The following ZNF780B variants were observed in gnomAD, a reference collection of about 807,000 sequenced individuals.
ZNF780B encodes zinc finger protein 780B.
Under a neutral mutation model 74.1 loss-of-function variants are expected in ZNF780B, and 52 were observed. That is an observed-to-expected ratio of 0.70 (90% CI 0.56 to 0.88). The LOEUF is 0.88. Ranked by LOEUF, ZNF780B falls within the 40% of genes least tolerant of loss-of-function variation. The pLI is 0.00. For synonymous variants in ZNF780B, 315 were observed against 324.3 expected (o/e 0.97, Z 0.31); for missense variants, 953 against 1,007.6 (o/e 0.95, Z 0.73).
rs1971942268 is a variant in ZNF780B, at chr19:40,028,797, A to C, written c.*5560T>G. On this transcript the variant is annotated 3_prime_UTR_variant, in exon 5 of 5. Coordinates refer to ENST00000434248, the MANE Select transcript of ZNF780B (RefSeq NM_001005851.3). ...AGACTTATACAGAACTTGGAAGAAT[A>C]GTAAATAATTCTGGTTACCCTTCAC... 6.6e-6 allele frequency: 1 copy of C among 152,248 alleles called. No individual in the cohort carries two copies. Among genetic ancestry groups the C allele is most frequent in the African/African-American group, 2.4e-5 (1 of 41,466 alleles). 9.4% of individuals were successfully genotyped at this position (152,248 alleles called of 1,614,324 possible).
chr19:40,039,276 T>G (rs1211380654), intron 4 of ZNF780B, among the ~76,000 whole-genome samples: 1 of 152,268 alleles, frequency 6.6e-6, no homozygotes, highest in Non-Finnish European at 1.5e-5. Context: ...TCTATATCTC[T>G]GTTTTGGTAA....
chr19:40,049,070 A>C, intron 2 of ZNF780B: 1 of 383,718 alleles, frequency 2.6e-6, no homozygotes, highest in Non-Finnish European at 4.8e-6. Flanking sequence ...GAAAAAAAAA[A>C]AAAAGAAAGA....
chr19:40,044,126 T>C (rs968689879), intron 4 of ZNF780B, among the ~76,000 whole-genome samples: 4 of 152,142 alleles, frequency 2.6e-5, no homozygotes, highest in African/African-American at 9.7e-5. Context: ...AAAGCCACCG[T>C]AACATATGGG....
intron 3 of ZNF780B, among the ~76,000 whole-genome samples, chr19:40,047,780 T>C (rs1259342854): frequency 6.6e-6 from 1 of 152,186 alleles, no homozygotes; most frequent in African/African-American, 2.4e-5. Flanking sequence ...ATTAAGTAAG[T>C]CACTTGAACT....
At position 40,029,144 on chromosome 19, in the gene ZNF780B, A is replaced by C. The variant is rs1301674195; in HGVS notation, c.*5213T>G. 3 of 152,208 alleles carry C rather than the reference A, an allele frequency of 2.0e-5. No homozygotes were observed. Among genetic ancestry groups the C allele is most frequent in the Non-Finnish European group, 4.4e-5 (3 of 68,024 alleles). 9.4% of individuals were successfully genotyped at this position (152,208 alleles called of 1,614,324 possible). A position where few individuals can be genotyped will look rare whatever the true frequency, so the allele number is the denominator to read the frequency against. Reference sequence around the variant, plus strand: ...ATCCCTGAGACCACAACTTGTGCAGAAGACTCATTGAAATGGAATGGTATT... The same window carrying C: ...ATCCCTGAGACCACAACTTGTGCAGCAGACTCATTGAAATGGAATGGTATT... On this transcript the variant is annotated 3_prime_UTR_variant, in exon 5 of 5. Transcript: ENST00000434248.
chr19:40,049,044 C>T (rs1178941704), intron 2 of ZNF780B: 3 of 424,770 alleles, frequency 7.1e-6, no homozygotes, highest in East Asian at 4.1e-5. Context: ...GGCAACATAA[C>T]GAGATGCACT....
chr19:40,054,137 A>G (rs754889315), intron 1 of ZNF780B, among the ~76,000 whole-genome samples: 1 of 152,202 alleles, frequency 6.6e-6, no homozygotes, highest in Non-Finnish European at 1.5e-5. Context: ...TGGGCAACAG[A>G]GTAAGACACT....
chr19:40,050,523 C>A, intron 1 of ZNF780B, 146 bp from the exon 2 acceptor site: 1 of 847,714 alleles, frequency 1.2e-6, no homozygotes, highest in Non-Finnish European at 1.8e-6. Context: ...CTCCCTTTTT[C>A]CCTACACACA....
At position 40,034,158 on chromosome 19, in the gene ZNF780B, G is replaced by C; in HGVS notation, c.*199C>G. 4.6e-6 allele frequency: 3 copies of C among 654,030 alleles called. No individual in the cohort carries two copies. Among genetic ancestry groups the C allele is most frequent in the Non-Finnish European group, 8.2e-6 (3 of 364,916 alleles). The allele number at this position is 654,030 out of a possible 1,614,324, so 40.5% of individuals were successfully genotyped here. A position where few individuals can be genotyped will look rare whatever the true frequency, so the allele number is the denominator to read the frequency against. Reference sequence around the variant, plus strand: ...TAACAGGTTTGAACTATGACTAAAGGCTTTCCCACATTCTTCACATTGATA... The same window carrying C: ...TAACAGGTTTGAACTATGACTAAAGCCTTTCCCACATTCTTCACATTGATA... On this transcript the variant is annotated 3_prime_UTR_variant, in exon 5 of 5. Coordinates refer to ENST00000434248, the MANE Select transcript of ZNF780B (RefSeq NM_001005851.3).
At position 40,028,624 on chromosome 19, in the gene ZNF780B, T is replaced by G. The variant is rs1018134191; in HGVS notation, c.*5733A>C. ...AGATTAAATTTGGTTGTGAGTAAAA[T>G]AGTAAAACTGCCCCAAATTAAAGTG... On this transcript the variant is annotated 3_prime_UTR_variant, in exon 5 of 5. Transcript: ENST00000434248. 1 of 152,182 alleles carries G rather than the reference T, an allele frequency of 6.6e-6. No individual in the cohort carries two copies. The highest frequency in any genetic ancestry group is 1.5e-5 in the Non-Finnish European group (1 of 68,034). 9.4% of individuals were successfully genotyped at this position (152,182 alleles called of 1,614,324 possible).
chr19:40,043,045 G>C (rs1002770418), intron 4 of ZNF780B, among the ~76,000 whole-genome samples: 4 of 152,052 alleles, frequency 2.6e-5, no homozygotes, highest in African/African-American at 9.7e-5. Context: ...ATCTACTTTT[G>C]GTCTTTGATG....
chr19:40,048,864 G>A (rs1973071183), intron 2 of ZNF780B, 68 bp from the exon 3 acceptor site: 2 of 1,603,802 alleles, frequency 1.2e-6, no homozygotes, highest in African/African-American at 1.3e-5. Context: ...AGGAGAGGAA[G>A]TGAAGGATTA....
rs1972159059 is a variant in ZNF780B, at chr19:40,034,751, C to T, written c.2108G>A (p.Arg703Lys). The T allele has an allele frequency of 6.2e-7, 1 of 1,613,916 alleles. No homozygotes were observed. The highest frequency in any genetic ancestry group is 8.5e-7 in the Non-Finnish European group (1 of 1,179,918). ...SAKPFVCKECRKTFRYHYQLT... is the reference protein window; with the variant it reads ...SAKPFVCKECKKTFRYHYQLT... ...CTGGTAATGATATCTAAAGGTCTTC[C>T]TACACTCCTTACATACAAAGGGTTT... is the stretch of plus-strand genomic sequence containing the variant. Residue 703 changes from arginine (R) to lysine (K), a missense_variant, in exon 5 of 5, where the codon AGG becomes AAG. Physicochemically the swap from Arg to Lys is conservative, Grantham distance 26 (BLOSUM62 2). Coordinates refer to ENST00000434248, the MANE Select transcript of ZNF780B (RefSeq NM_001005851.3).
Position 40,035,788 on chromosome 19 carries a change from A to G in ZNF780B, c.1071T>C (p.Gly357=). ...KLVRHQKIHM[G]EKPFECRECG... ...ATTCCCTGCATTCAAAGGGCTTCTC[A>G]CCCATATGAATCTTCTGATGTCGAA... Residue 357 remains glycine (G), a synonymous_variant, in exon 5 of 5, where the codon GGT becomes GGC. Coordinates refer to ENST00000434248, the MANE Select transcript of ZNF780B (RefSeq NM_001005851.3). The G allele has an allele frequency of 6.2e-7, 1 of 1,614,092 alleles. No homozygotes were observed. Among genetic ancestry groups the G allele is most frequent in the Non-Finnish European group, 8.5e-7 (1 of 1,180,024 alleles).
intron 3 of ZNF780B, 38 bp downstream of exon 3, chr19:40,048,632 A>C: frequency 4.3e-6 from 7 of 1,614,126 alleles, no homozygotes; most frequent in Non-Finnish European, 5.9e-6. Flanking sequence ...GATATTCCAG[A>C]GAACAGATAC....
At chr19:40,038,970 A>T (rs1190125032) in intron 4 of ZNF780B, among the ~76,000 whole-genome samples, 1 of 152,128 alleles carries the variant, frequency 6.6e-6, no homozygotes, top group African/African-American at 2.4e-5. Flanking sequence ...GGTGTTTTAG[A>T]CATAAAGTCC....
chr19:40,043,457 G>T (rs1471283322), intron 4 of ZNF780B, among the ~76,000 whole-genome samples: 1 of 152,230 alleles, frequency 6.6e-6, no homozygotes, highest in Non-Finnish European at 1.5e-5. Flanking sequence ...GTCAGACAGG[G>T]ACATTTAAGT....
rs781216510 is a variant in ZNF780B, at chr19:40,036,001, A to G, written c.858T>C (p.Phe286=). Residue 286 remains phenylalanine (F), a synonymous_variant, in exon 5 of 5, where the codon TTT becomes TTC. Transcript: ENST00000434248. The part of the protein sequence containing the change: ...PYQCKECGKA[F]NRGSNLIQHQ... Reference sequence around the variant, plus strand: ...GCTGAATAAGATTTGAACCACGATTAAAGGCTTTCCCACACTCCTTACATT... The same window carrying G: ...GCTGAATAAGATTTGAACCACGATTGAAGGCTTTCCCACACTCCTTACATT... The G allele has an allele frequency of 6.2e-7, 1 of 1,614,142 alleles. No individual in the cohort carries two copies. The highest frequency in any genetic ancestry group is 1.1e-5 in the South Asian group (1 of 91,080).
intron 1 of ZNF780B, among the ~76,000 whole-genome samples, chr19:40,052,179 C>T (rs533300864): frequency 9.1e-4 from 139 of 152,158 alleles, no homozygotes; most frequent in Non-Finnish European, 1.7e-3. Flanking sequence ...AGGTTTTTCA[C>T]CCTAGGCACT....
Sources: gnomAD v4.1 joint callset for allele counts (sites outside exome capture counted in the v4.1 genomes callset) on GRCh38, gnomAD v4.1.1 for gene constraint, MANE v1.5 for transcripts, NCBI Gene and HGNC (gene_info 2026-07-23, HGNC 2026-07-21) for gene names.